Variants in RAP1GAP2 observed in about 807,000 individuals in gnomAD.
The protein encoded by RAP1GAP2 is rap1 GTPase-activating protein 2.
RAP1GAP2 carries 27 observed loss-of-function variants against 95.0 expected under a neutral mutation model. The ratio of observed to expected loss-of-function variants is 0.28; its 90% CI spans 0.21 to 0.39. The LOEUF (loss-of-function observed/expected upper bound fraction) is 0.39. RAP1GAP2 is among the 10% of genes least tolerant of loss of function. The pLI, the probability that RAP1GAP2 is intolerant of heterozygous loss-of-function variation, is 1.00. For synonymous variants in RAP1GAP2, 373 were observed against 380.9 expected, an observed-to-expected ratio of 0.98 and a Z score of 0.24; for missense variants, 771 against 970.0, an observed-to-expected ratio of 0.79 and a Z score of 2.72.
chr17:2,954,197 C>G (rs1049732331), intron 3 of RAP1GAP2, among the ~76,000 whole-genome samples: 1 of 152,062 alleles, frequency 6.6e-6, no homozygotes. Flanking sequence ...CTCCGCCTCC[C>G]GGGTTCACGC....
chr17:2,957,751 T>A lies in RAP1GAP2; in HGVS notation c.166-8T>A. 1 of 1,606,878 alleles carries A rather than the reference T, an allele frequency of 6.2e-7. No homozygotes were observed. The highest frequency in any genetic ancestry group is 1.1e-5 in the South Asian group (1 of 90,038). ...CTGTCTTTCTGTCCCCCTGCTTTTG[T>A]CTTTCAGTCGTCGGAGTTCTTTGAG... On this transcript the variant is annotated splice_region_variant and splice_polypyrimidine_tract_variant and intron_variant, in intron 3 of 24. Transcript: ENST00000254695.
intron 3 of RAP1GAP2, among the ~76,000 whole-genome samples, chr17:2,922,883 A>C (rs1240495404): frequency 3.0e-5 from 4 of 132,544 alleles, no homozygotes; most frequent in Non-Finnish European, 6.2e-5. Flanking sequence ...CCCAGGTTGG[A>C]GTGCAATGGT....
intron 11 of RAP1GAP2, among the ~76,000 whole-genome samples, chr17:2,986,616 C>T (rs994098364): frequency 6.6e-6 from 1 of 150,598 alleles, no homozygotes; most frequent in Non-Finnish European, 1.5e-5. Flanking sequence ...TTAATATGAA[C>T]ATTTGTTGCA....
chr17:2,961,251 A>G (rs1194148759), intron 4 of RAP1GAP2, among the ~76,000 whole-genome samples: 2 of 149,412 alleles, frequency 1.3e-5, no homozygotes, highest in Non-Finnish European at 3.0e-5. Context: ...GCAGTGGCTC[A>G]CGCCTATAAT....
rs2151461505 is a variant in RAP1GAP2, at chr17:2,789,668, G to C, written c.-13-10847G>C. Reference sequence around the variant, plus strand: ...ATGGTGGCGTGTACTGGTAGTCCTAGCTACTCTGGAGGCTGAGGCAGGAGA... The same window carrying C: ...ATGGTGGCGTGTACTGGTAGTCCTACCTACTCTGGAGGCTGAGGCAGGAGA... On this transcript the variant is annotated intron_variant, in intron 1 of 24. Coordinates refer to the RAP1GAP2 transcript ENST00000540393. 1.4e-5 allele frequency among the ~76,000 whole-genome samples: 2 copies of C among 145,552 alleles called. 1 individual carries two copies. Among genetic ancestry groups the C allele is most frequent in the East Asian group, 4.0e-4 (2 of 4,942 alleles).
chr17:2,990,732 A>G (rs1158893151), intron 11 of RAP1GAP2, among the ~76,000 whole-genome samples: 1 of 152,140 alleles, frequency 6.6e-6, no homozygotes, highest in Non-Finnish European at 1.5e-5. Context: ...ACCCTCACCA[A>G]CACTTGTTAT....
Position 3,030,778 on chromosome 17 carries a change from T to G in RAP1GAP2, c.2108-144T>G. 11 of 677,244 alleles carry G rather than the reference T, an allele frequency of 1.6e-5. No homozygotes were observed. The Admixed American group carries it at 1.7e-4, about 10-fold the overall frequency. 42.0% of individuals were successfully genotyped at this position (677,244 alleles called of 1,614,324 possible). A position where few individuals can be genotyped will look rare whatever the true frequency, so the allele number is the denominator to read the frequency against. On this transcript the variant is annotated intron_variant, in intron 22 of 24. Transcript: ENST00000254695. ...TCTATAATCTAGGAGTTGGCTCTCG[T>G]GGGTCGGCACAGGTCAGCTAGGGTG...
intron 2 of RAP1GAP2, among the ~76,000 whole-genome samples, chr17:2,846,558 G>A (rs1597426504): frequency 1.3e-5 from 2 of 151,574 alleles, no homozygotes; most frequent in South Asian, 4.2e-4. Flanking sequence ...TTACAGGCAT[G>A]AGCCACCATG....
At chr17:2,929,938 G>A (rs967578400) in intron 3 of RAP1GAP2, among the ~76,000 whole-genome samples, 3 of 152,156 alleles carry the variant, frequency 2.0e-5, no homozygotes, top group African/African-American at 7.2e-5. Context: ...TCGGCGGGGG[G>A]CAGGGCCACG....
chr17:2,824,740 CAAAAAAAAAAA>C (rs940171590), intron 2 of RAP1GAP2, among the ~76,000 whole-genome samples: 1 of 56,652 alleles, frequency 1.8e-5, no homozygotes, highest in Admixed American at 1.9e-4. Flanking sequence ...AACTCTGTCT[CAAAAAAAAAAA>C]AAAAAAAAAA....
chr17:2,811,802 C>T (rs984599052), intron 2 of RAP1GAP2, among the ~76,000 whole-genome samples: 1 of 152,184 alleles, frequency 6.6e-6, no homozygotes, highest in Non-Finnish European at 1.5e-5. Flanking sequence ...TGGTCCCGAA[C>T]TCCTGACCTC....
chr17:2,861,890 A>G (rs1014060886), intron 2 of RAP1GAP2, among the ~76,000 whole-genome samples: 1 of 152,172 alleles, frequency 6.6e-6, no homozygotes, highest in Non-Finnish European at 1.5e-5. Flanking sequence ...TCCTGACCCC[A>G]GGTGATCCAC....
rs1007073111 is a variant in RAP1GAP2, at chr17:2,825,709, CAG to C, written c.80+25162_80+25163del. Among the ~76,000 whole-genome samples the C allele has an allele frequency of 1.4e-4, 21 of 152,038 alleles. No homozygotes were observed. The highest frequency in any genetic ancestry group is 4.8e-4 in the African/African-American group (20 of 41,406). On this transcript the variant is annotated intron_variant, in intron 2 of 24. Coordinates refer to ENST00000254695, the MANE Select transcript of RAP1GAP2 (RefSeq NM_015085.5). The surrounding 1 kb of genome is among the most constrained non-coding windows in gnomAD (Gnocchi z 4.1). ...AAAGCACTTAGCATGGTGCTTGGCGCAGAGTTAGTGCTCGTGACTGCAGCTGT... is the reference window on the plus strand; with the variant it reads ...AAAGCACTTAGCATGGTGCTTGGCGCAGTTAGTGCTCGTGACTGCAGCTGT...
chr17:3,011,020 G>A (rs1298374134), intron 17 of RAP1GAP2, among the ~76,000 whole-genome samples: 1 of 151,998 alleles, frequency 6.6e-6, no homozygotes, highest in South Asian at 2.1e-4. Context: ...TCTGCCTCCC[G>A]GGTTCAAGTG....
intron 1 of RAP1GAP2, among the ~76,000 whole-genome samples, chr17:2,790,080 C>A (rs1260255407): frequency 6.6e-6 from 1 of 151,694 alleles, no homozygotes. Flanking sequence ...TGCCCTGTTT[C>A]CCTGGAGACC....
chr17:2,766,478 A>G (rs1439511783), intron 1 of RAP1GAP2, among the ~76,000 whole-genome samples: 5 of 151,904 alleles, frequency 3.3e-5, no homozygotes, highest in African/African-American at 1.2e-4. Context: ...TCTACTAAAA[A>G]TACAAAAAAT....
At chr17:2,947,371 T>C (rs2043738389) in intron 3 of RAP1GAP2, among the ~76,000 whole-genome samples, 1 of 152,010 alleles carries the variant, frequency 6.6e-6, no homozygotes, top group African/African-American at 2.4e-5. Flanking sequence ...AGGGGTGCAG[T>C]CTGTGGTCAG....
chr17:2,933,799 T>A (rs1185488584), intron 3 of RAP1GAP2, among the ~76,000 whole-genome samples: 1 of 152,220 alleles, frequency 6.6e-6, no homozygotes, highest in Non-Finnish European at 1.5e-5. Context: ...GACCTGAAGC[T>A]GAGCCCCACT....
At chr17:2,898,830 A>C (rs956169517) in intron 2 of RAP1GAP2, among the ~76,000 whole-genome samples, 1 of 151,934 alleles carries the variant, frequency 6.6e-6, no homozygotes, top group African/African-American at 2.4e-5. Context: ...ATAACGCCCC[A>C]TGAGGCGAGG....
Sources: gnomAD v4.1 joint callset for allele counts (sites outside exome capture counted in the v4.1 genomes callset) on GRCh38, gnomAD v4.1.1 for gene constraint, Gnocchi (gnomAD v3.1) non-coding constraint, MANE v1.5 for transcripts, NCBI Gene and HGNC (gene_info 2026-07-23, HGNC 2026-07-21) for gene names.